The following KCNIP4 variants were observed in gnomAD, a reference collection of about 807,000 sequenced individuals.
The protein encoded by KCNIP4 is Kv channel-interacting protein 4.
KCNIP4 carries 12 observed loss-of-function variants against 34.0 expected under a neutral mutation model. That is an observed-to-expected ratio of 0.35 (90% CI 0.23 to 0.57). The LOEUF (loss-of-function observed/expected upper bound fraction) is 0.57. KCNIP4 is among the 20% of genes least tolerant of loss of function. The probability of loss-of-function intolerance (pLI) is 0.83; values close to 1 mark genes in which losing one functional copy is unlikely to be tolerated. For synonymous variants in KCNIP4, 124 were observed against 102.2 expected (o/e 1.21, Z -1.29); for missense variants, 238 against 311.7 (o/e 0.76, Z 1.78).
At chr4:20,744,022 TCAC>T in intron 5 of KCNIP4, among the ~76,000 whole-genome samples, 1 of 152,114 alleles carries the variant, frequency 6.6e-6, no homozygotes, top group East Asian at 1.9e-4. Flanking sequence ...ATGCTCATCA[TCAC>T]TGGCCATCAG....
chr4:20,869,519 T>C (rs1224033643), intron 2 of KCNIP4, among the ~76,000 whole-genome samples: 1 of 152,100 alleles, frequency 6.6e-6, no homozygotes, highest in East Asian at 1.9e-4. Context: ...CCTTCAACAC[T>C]AGGAGCAGAA....
At chr4:21,665,708 A>T (rs1466441433) in intron 1 of KCNIP4, among the ~76,000 whole-genome samples, 1 of 152,198 alleles carries the variant, frequency 6.6e-6, no homozygotes, top group East Asian at 1.9e-4. Flanking sequence ...GCTGTCTGCA[A>T]TGAACAAGAT....
chr4:21,361,403 C>T (rs1719205371), intron 1 of KCNIP4, among the ~76,000 whole-genome samples: 1 of 152,000 alleles, frequency 6.6e-6, no homozygotes, highest in South Asian at 2.1e-4. Context: ...TTCTTATCTG[C>T]CCCCTGACAA....
chr4:21,892,702 A>G (rs1727177887), intron 1 of KCNIP4, among the ~76,000 whole-genome samples: 1 of 152,144 alleles, frequency 6.6e-6, no homozygotes, highest in Non-Finnish European at 1.5e-5. Flanking sequence ...ACCGATTAAA[A>G]TAGATTACAA....
At chr4:21,894,244 G>T (rs1044759818) in intron 1 of KCNIP4, among the ~76,000 whole-genome samples, 2 of 152,062 alleles carry the variant, frequency 1.3e-5, no homozygotes, top group African/African-American at 4.8e-5. Flanking sequence ...GCTGAGGCAG[G>T]AGGATCACTT....
In KCNIP4 at chr4:21,065,142, T is replaced by C. The variant is rs1025972540; in HGVS notation, c.62-182433A>G. Among the ~76,000 whole-genome samples the C allele has an allele frequency of 5.3e-5, 8 of 152,306 alleles. No individual in the cohort carries two copies. The South Asian group carries it at 1.2e-3, about 24-fold the overall frequency. On this transcript the variant is annotated intron_variant, in intron 1 of 8. Transcript: ENST00000382152. ...ACGTAGTCACACCTTTCTTCCCCTT[T>C]AATGTCAGCTTATTTTTTCTTCTTG...
At chr4:21,704,894 T>G (rs1036913948) in intron 1 of KCNIP4, among the ~76,000 whole-genome samples, 4 of 152,170 alleles carry the variant, frequency 2.6e-5, no homozygotes, top group African/African-American at 9.7e-5. Context: ...AAAATTTATT[T>G]TCACACAAAA....
intron 3 of KCNIP4, among the ~76,000 whole-genome samples, chr4:20,834,075 C>T (rs1718754435): frequency 6.6e-6 from 1 of 152,122 alleles, no homozygotes; most frequent in Admixed American, 6.5e-5. Flanking sequence ...GCATAGAATT[C>T]ACCTGAAAAG....
intron 1 of KCNIP4, among the ~76,000 whole-genome samples, chr4:21,053,218 T>C (rs879551508): frequency 6.6e-6 from 1 of 152,152 alleles, no homozygotes; most frequent in South Asian, 2.1e-4. Flanking sequence ...ACTGATTTCA[T>C]TGATTAAACG....
At chr4:21,829,501 T>C (rs1722853513) in intron 1 of KCNIP4, among the ~76,000 whole-genome samples, 1 of 145,538 alleles carries the variant, frequency 6.9e-6, no homozygotes, top group Non-Finnish European at 1.5e-5. Flanking sequence ...AGGAAAAAAA[T>C]GGAATAACAA....
At chr4:21,658,589 G>A (rs1748160966) in intron 1 of KCNIP4, among the ~76,000 whole-genome samples, 1 of 152,110 alleles carries the variant, frequency 6.6e-6, no homozygotes, top group Non-Finnish European at 1.5e-5. Context: ...TTTTAGTAGA[G>A]ACGGGGTTTC....
intron 1 of KCNIP4, among the ~76,000 whole-genome samples, chr4:21,820,072 T>C (rs1296573807): frequency 6.6e-6 from 1 of 151,800 alleles, no homozygotes; most frequent in East Asian, 1.9e-4. Context: ...ACTCTATTAG[T>C]TTGGGTTAGA....
chr4:21,775,786 C>G (rs115524114), intron 1 of KCNIP4, among the ~76,000 whole-genome samples: 1,837 of 152,346 alleles, frequency 0.012, 37 homozygotes, highest in African/African-American at 0.042. Context: ...TGGGACCAAG[C>G]CATTCAGCCT....
chr4:21,388,575 G>A (rs923843022), intron 1 of KCNIP4, among the ~76,000 whole-genome samples: 29 of 152,034 alleles, frequency 1.9e-4, no homozygotes, highest in Admixed American at 1.8e-3. Flanking sequence ...ATAGTGTTCA[G>A]TACATGCACA....
At chr4:21,673,112 G>A (rs954747273) in intron 1 of KCNIP4, among the ~76,000 whole-genome samples, 5 of 152,212 alleles carry the variant, frequency 3.3e-5, no homozygotes, top group Admixed American at 1.3e-4. Flanking sequence ...TGATATGGGA[G>A]GAGAGTATAG....
chr4:21,072,821 T>C (rs1277069633), intron 1 of KCNIP4, among the ~76,000 whole-genome samples: 1 of 152,204 alleles, frequency 6.6e-6, no homozygotes, highest in Non-Finnish European at 1.5e-5. Context: ...TTAATTTTCA[T>C]ATAAGGTGTA....
At chr4:21,202,908 T>C (rs2108958436) in intron 1 of KCNIP4, among the ~76,000 whole-genome samples, 1 of 152,336 alleles carries the variant, frequency 6.6e-6, no homozygotes, top group Non-Finnish European at 1.5e-5. Context: ...ACAGAGGCTC[T>C]TGGCCCACAG....
rs746738933 is a variant in KCNIP4 at position 20,903,628 on chromosome 4, C to T, written c.62-20919G>A. Among the ~76,000 whole-genome samples, 87 of 152,150 alleles carry T rather than the reference C, an allele frequency of 5.7e-4. No individual in the cohort carries two copies. In the Middle Eastern group the frequency reaches 0.014, roughly 24 times the overall value. On this transcript the variant is annotated intron_variant, in intron 1 of 8. Coordinates refer to ENST00000382152, the MANE Select transcript of KCNIP4 (RefSeq NM_025221.6). ...AGTTGTCTTGCCTTTCTGAACCAAA[C>T]GAATGTACTTCTTAAGTGTATTTGA...
At chr4:21,001,002 T>C (rs1419603766) in intron 1 of KCNIP4, among the ~76,000 whole-genome samples, 1 of 152,236 alleles carries the variant, frequency 6.6e-6, no homozygotes, top group African/African-American at 2.4e-5. Context: ...CATATTGTTT[T>C]TATTTATCTT....
Sources: gnomAD v4.1 joint callset for allele counts (sites outside exome capture counted in the v4.1 genomes callset) on GRCh38, gnomAD v4.1.1 for gene constraint, MANE v1.5 for transcripts, NCBI Gene and HGNC (gene_info 2026-07-23, HGNC 2026-07-21) for gene names.